Variants in GABRR3 observed in about 807,000 individuals in gnomAD.
The protein encoded by GABRR3 is gamma-aminobutyric acid receptor subunit rho-3.
A neutral mutation model predicts 43.2 loss-of-function variants in GABRR3; 29 were observed. The observed-to-expected ratio is 0.67, with a 90% CI of 0.50 to 0.92. The LOEUF (loss-of-function observed/expected upper bound fraction) is 0.92, where lower values mean the gene tolerates loss of function less well. Among genes scored for constraint, GABRR3 ranks in the 40% least tolerant of loss-of-function variants. The probability of loss-of-function intolerance (pLI) is 0.00; values close to 1 mark genes in which losing one functional copy is unlikely to be tolerated. For missense variants in GABRR3, 576 were observed against 572.3 expected, an observed-to-expected ratio of 1.01 and a Z score of -0.07; for synonymous variants, 206 against 195.9, an observed-to-expected ratio of 1.05 and a Z score of -0.43.
chr3:98,026,501 G>T (rs1707017521), intron 2 of GABRR3, among the ~76,000 whole-genome samples: 1 of 152,096 alleles, frequency 6.6e-6, no homozygotes, highest in Non-Finnish European at 1.5e-5. Flanking sequence ...CTGTGGGTGT[G>T]GAGGGGAAAT....
chr3:97,995,251 A>G (rs908996465), intron 8 of GABRR3, among the ~76,000 whole-genome samples: 5 of 152,184 alleles, frequency 3.3e-5, no homozygotes, highest in African/African-American at 1.2e-4. Context: ...TGCTGGGATT[A>G]CAGGCATGAG....
At chr3:97,995,450 G>A (rs187740124) in intron 8 of GABRR3, among the ~76,000 whole-genome samples, 4 of 151,884 alleles carry the variant, frequency 2.6e-5, no homozygotes, top group Non-Finnish European at 5.9e-5. Flanking sequence ...GATAACTACT[G>A]GGCAAATAAA....
intron 9 of GABRR3, among the ~76,000 whole-genome samples, chr3:97,989,226 G>A (rs1019141140): frequency 4.0e-5 from 6 of 150,926 alleles, no homozygotes; most frequent in African/African-American, 7.3e-5. Context: ...GGATGGTGGT[G>A]GTGGATGGTG....
chr3:98,007,077 C>G (rs148909955), intron 7 of GABRR3, among the ~76,000 whole-genome samples: 1 of 152,168 alleles, frequency 6.6e-6, no homozygotes, highest in African/African-American at 2.4e-5. Flanking sequence ...CCTGGTGAGG[C>G]ACTCACACAA....
chr3:97,988,041 A>C (rs928035732), intron 9 of GABRR3, among the ~76,000 whole-genome samples: 1 of 151,920 alleles, frequency 6.6e-6, no homozygotes, highest in Non-Finnish European at 1.5e-5. Context: ...ACCAGGGCAT[A>C]CGATTCATCC....
At chr3:98,007,876 T>C (rs543037743) in exon 7 of GABRR3, 9 of 1,593,446 alleles carry the variant, frequency 5.6e-6, no homozygotes, top group Middle Eastern at 1.7e-4. Flanking sequence ...GTTTCCAGTA[T>C]AGCATTAGGT....
chr3:98,011,541 C>A (rs1706791952), intron 5 of GABRR3, among the ~76,000 whole-genome samples: 1 of 152,146 alleles, frequency 6.6e-6, no homozygotes, highest in Non-Finnish European at 1.5e-5. Context: ...GCATTTAAGT[C>A]CCAACCAGAT....
At chr3:97,998,389 A>T (rs919014882) in intron 8 of GABRR3, 1 of 152,174 alleles carries the variant, frequency 6.6e-6, no homozygotes, top group African/African-American at 2.4e-5. Flanking sequence ...TCAGTGAACC[A>T]ATGTTTTCCA....
chr3:98,007,954 T>C, intron 6 of GABRR3, 50 bp from the exon 7 acceptor site: 1 of 1,447,612 alleles, frequency 6.9e-7, no homozygotes. Context: ...TCTTGTAAGC[T>C]CAATGAGTTC....
chr3:98,017,855 C>T, intron 3 of GABRR3, 133 bp from the exon 4 acceptor site: 1 of 597,588 alleles, frequency 1.7e-6, no homozygotes, highest in Non-Finnish European at 2.9e-6. Context: ...ACAAATTTCT[C>T]CATTATTCAT....
intron 3 of GABRR3, among the ~76,000 whole-genome samples, chr3:98,022,996 TTAAGA>T (rs1269757019): frequency 6.6e-6 from 1 of 152,090 alleles, no homozygotes; most frequent in Non-Finnish European, 1.5e-5. Flanking sequence ...CATACATGTT[TTAAGA>T]TAAGAGAGGA....
Position 98,034,893 on chromosome 3 carries a change from TG to T in GABRR3, c.94del (p.Gln32SerfsTer7). ...TTGTTTCATTGAAGAGGAGCACCGCTGGTGTGTCATCTTGATGTTAGAAGCA... is the reference window on the plus strand; with the variant it reads ...TTGTTTCATTGAAGAGGAGCACCGCTGTGTGTCATCTTGATGTTAGAAGCA... On this transcript the variant is annotated frameshift_variant, in exon 2 of 10. Transcript: ENST00000621172. LOFTEE classifies it high-confidence loss of function. The T allele has an allele frequency of 6.2e-7, 1 of 1,613,196 alleles. No individual in the cohort carries two copies. Among genetic ancestry groups the T allele is most frequent in the Non-Finnish European group, 8.5e-7 (1 of 1,179,334 alleles).
intron 3 of GABRR3, among the ~76,000 whole-genome samples, chr3:98,018,474 G>T (rs1706900819): frequency 6.6e-6 from 1 of 152,162 alleles, no homozygotes; most frequent in Non-Finnish European, 1.5e-5. Flanking sequence ...CCAGAATCAG[G>T]TTCATGGGCC....
chr3:98,009,741 T>G (rs2107237798), intron 5 of GABRR3, among the ~76,000 whole-genome samples: 1 of 152,186 alleles, frequency 6.6e-6, no homozygotes, highest in South Asian at 2.1e-4. Context: ...CCTGAGCAGG[T>G]TTGCAAAAAA....
At chr3:98,032,463 C>T (rs988627554) in intron 2 of GABRR3, among the ~76,000 whole-genome samples, 3 of 152,112 alleles carry the variant, frequency 2.0e-5, no homozygotes, top group Admixed American at 6.5e-5. Flanking sequence ...ATGTAAATAT[C>T]ACTCAGTGTA....
In GABRR3 at chr3:97,992,857, C is replaced by T. The variant is rs200418880; in HGVS notation, c.1099G>A (p.Gly367Arg). The change falls in exon 9 of 10, where the codon GGA becomes AGA. Residue 367 changes from glycine (G) to arginine (R), a missense_variant. By Grantham distance (125) the Gly-to-Arg change is moderately radical. Coordinates refer to ENST00000621172, the Ensembl canonical transcript of GABRR3. ...TAGTCAGAGCAAGGCTGTACCTTTC[C>T]TGTCTTCTTGAATTGTTTCCGCTCT... The T allele has an allele frequency of 9.0e-5, 145 of 1,605,322 alleles. 1 individual carries two copies. The East Asian group carries it at 9.4e-4, about 10-fold the overall frequency.
chr3:97,986,341 A>G (rs557191683), downstream of GABRR3, among the ~76,000 whole-genome samples: 3 of 152,314 alleles, frequency 2.0e-5, no homozygotes, highest in East Asian at 1.9e-4. Context: ...GAAACAAAAT[A>G]TCTTTGAATT....
At chr3:98,018,344 C>G (rs1398296793) in intron 3 of GABRR3, among the ~76,000 whole-genome samples, 1 of 152,194 alleles carries the variant, frequency 6.6e-6, no homozygotes, top group East Asian at 1.9e-4. Context: ...CAGCAGCAAC[C>G]ACAGGCTGCA....
intron 9 of GABRR3, 108 bp from the exon 10 acceptor site, chr3:97,987,090 TAGG>T: frequency 2.7e-6 from 2 of 740,806 alleles, no homozygotes; most frequent in Non-Finnish European, 4.3e-6. Flanking sequence ...AACAGCAAGA[TAGG>T]CCAATTGGAT....
Sources: allele counts gnomAD v4.1 joint callset (sites outside exome capture counted in the v4.1 genomes callset), GRCh38; gene constraint gnomAD v4.1.1; transcripts MANE v1.5; gene names NCBI Gene and HGNC (gene_info 2026-07-23, HGNC 2026-07-21).